ZFHX2: variants seen among roughly 807,000 people sequenced by gnomAD.
ZFHX2 encodes zinc finger homeobox protein 2.
Under a neutral mutation model 164.8 loss-of-function variants are expected in ZFHX2, and 75 were observed. The observed-to-expected ratio is 0.46, with a 90% CI of 0.38 to 0.55. ZFHX2 has a LOEUF of 0.55. ZFHX2 is among the 20% of genes least tolerant of loss of function. The pLI is 0.00. For missense variants in ZFHX2, 2,933 were observed against 3,308.0 expected (o/e 0.89, Z 2.78); for synonymous variants, 1,217 against 1,351.4 (o/e 0.90, Z 2.18).
At chr14:23,527,861 C>A in intron 6 of ZFHX2, 57 bp from the exon 7 acceptor site, 23 of 1,180,636 alleles carry the variant, frequency 1.9e-5, no homozygotes, top group East Asian at 2.8e-5. Flanking sequence ...GACCCACCAT[C>A]ACATAGTCCT....
Position 23,525,663 on chromosome 14 carries a change from G to T in ZFHX2, c.4279C>A (p.Pro1427Thr), listed in dbSNP as rs1160667213. The T allele has an allele frequency of 2.6e-6, 4 of 1,535,376 alleles. No individual in the cohort carries two copies. The highest frequency in any genetic ancestry group is 1.7e-6 in the Non-Finnish European group (2 of 1,146,538). ...KEGNEAGPSS[P>T]PDPLPNEAAR... ...GCCTCGTTGGGCAATGGGTCGGGGG[G>T]TGAGGAAGGCCCTGCCTCATTACCC... Residue 1427 changes from proline (P) to threonine (T), a missense_variant, in exon 9 of 10, where the codon CCC becomes ACC. By Grantham distance (38) the Pro-to-Thr change is conservative. Coordinates refer to ENST00000419474, the MANE Select transcript of ZFHX2 (RefSeq NM_033400.3). This position sits in a 1 kb window ranked among gnomAD's most constrained non-coding sequence, Gnocchi z 5.9.
At chr14:23,542,370 A>G (rs1207381337) in intron 1 of ZFHX2, 2 of 152,082 alleles carry the variant, frequency 1.3e-5, no homozygotes, top group Non-Finnish European at 2.9e-5. Flanking sequence ...GAAACCACAC[A>G]CGTTCACATT....
intron 4 of ZFHX2, 138 bp downstream of exon 4, chr14:23,531,343 C>T (rs1879525515): frequency 8.0e-7 from 1 of 1,243,206 alleles, no homozygotes; most frequent in South Asian, 2.7e-5. Flanking sequence ...TATCCCTTCG[C>T]AGCTTCTTCC....
chr14:23,534,045 T>G lies in ZFHX2; in HGVS notation c.1281A>C (p.Pro427=). ...QPYRLADDYT[P]APAAFQGLSL... is the part of the protein sequence containing the mutation. The stretch of plus-strand genomic sequence containing the variant: ...TGAGGCCCTGGAAGGCTGCAGGGGC[T>G]GGGGTGTAGTCATCAGCTAGGCGAT... The change falls in exon 2 of 10, where the codon CCA becomes CCC. Residue 427 remains proline (P), a synonymous_variant. Transcript: ENST00000419474. The surrounding 1 kb of genome is among the most constrained non-coding windows in gnomAD (Gnocchi z 4.5). 1 of 1,533,534 alleles carries G rather than the reference T, an allele frequency of 6.5e-7. No individual in the cohort carries two copies. Among genetic ancestry groups the G allele is most frequent in the Non-Finnish European group, 8.7e-7 (1 of 1,144,928 alleles). 95.0% of individuals were successfully genotyped at this position (1,533,534 alleles called of 1,614,324 possible).
chr14:23,542,236 C>G (rs886839320), intron 1 of ZFHX2: 1 of 152,482 alleles, frequency 6.6e-6, no homozygotes, highest in African/African-American at 2.4e-5. Flanking sequence ...CTGTCTCTTG[C>G]ACTTTGCAAG....
At chr14:23,532,294 G>A (rs1356727749) in intron 3 of ZFHX2, 2 of 357,598 alleles carry the variant, frequency 5.6e-6, no homozygotes, top group Non-Finnish European at 9.9e-6. Context: ...CTGGTGACAT[G>A]ACAAACTGAG....
rs762893820 is a variant in ZFHX2 at position 23,522,818 on chromosome 14, G to A, written c.6863C>T (p.Thr2288Ile). The change falls in exon 10 of 10, where the codon ACC becomes ATC. Residue 2288 changes from threonine to isoleucine, a missense_variant. Thr to Ile is a moderately conservative substitution (Grantham distance 89). Transcript: ENST00000419474. Reference sequence around the variant, plus strand: ...AGGGTCAGTGGTGCCTGCTGTGGAGGTGTTGGTTTGGTCGGGCATGGGTCT... The same window carrying A: ...AGGGTCAGTGGTGCCTGCTGTGGAGATGTTGGTTTGGTCGGGCATGGGTCT... ...PQRPMPDQTN[T>I]STAGTTDPVP... is the part of the protein sequence containing the mutation. 3 of 1,535,786 alleles carry A rather than the reference G, an allele frequency of 2.0e-6. No individual in the cohort carries two copies. Among genetic ancestry groups the A allele is most frequent in the Middle Eastern group, 1.7e-4 (1 of 5,980 alleles).
rs1313654927 is a variant in ZFHX2, at chr14:23,532,571, T to C, written c.2555A>G (p.Tyr852Cys). Residue 852 changes from tyrosine to cysteine, a missense_variant, in exon 3 of 10, where the codon TAT (tyrosine) becomes TGT (cysteine). Transcript: ENST00000419474. ...CCCTTCCTGACCCAGCCTCACCTTA[T>C]AGATTTGGCTGTTTTCTTCGTGGGC... ...GAAHEENSQI[Y>C]KFLLDMEGAE... is the part of the protein sequence containing the mutation. 3.5e-6 allele frequency: 5 copies of C among 1,440,508 alleles called. No individual in the cohort carries two copies. In the South Asian group the frequency reaches 5.9e-5, roughly 17 times the overall value. The allele number at this position is 1,440,508 out of a possible 1,614,324, so 89.2% of individuals were successfully genotyped here.
chr14:23,533,915 G>A lies in ZFHX2; in HGVS notation c.1411C>T (p.His471Tyr). 1 of 1,538,086 alleles carries A rather than the reference G, an allele frequency of 6.5e-7. No individual in the cohort carries two copies. The highest frequency in any genetic ancestry group is 8.7e-7 in the Non-Finnish European group (1 of 1,147,154). ...HYKYQQTLDV[H>Y]MREKHPESNS... ...CTCTCAGGGTGCTTCTCTCGCATGT[G>A]CACATCCAGGGTCTGCTGGTACTTG... is the stretch of plus-strand genomic sequence containing the variant. Residue 471 changes from histidine (H) to tyrosine (Y), a missense_variant, in exon 2 of 10, where the codon CAC becomes TAC. Transcript: ENST00000419474. This position sits in a 1 kb window ranked among gnomAD's most constrained non-coding sequence, Gnocchi z 4.8.
chr14:23,535,044 C>T lies in ZFHX2; in HGVS notation c.282G>A (p.Lys94=). 1 of 1,536,226 alleles carries T rather than the reference C, an allele frequency of 6.5e-7. No homozygotes were observed. Among genetic ancestry groups the T allele is most frequent in the South Asian group, 1.2e-5 (1 of 84,062 alleles). ...HFPPNDPGVE[K]DKEQEEEEEG... ...CTTCTTCCTCCTCCTGCTCCTTGTC[C>T]TTTTCCACCCCTGGGTCATTTGGTG... Residue 94 remains lysine, a synonymous_variant, in exon 2 of 10, where the codon AAG becomes AAA. Transcript: ENST00000419474. This position sits in a 1 kb window ranked among gnomAD's most constrained non-coding sequence, Gnocchi z 4.5.
In ZFHX2 at chr14:23,521,038, G is replaced by C. The variant is rs1215363410; in HGVS notation, c.*924C>G. 1.3e-5 allele frequency: 2 copies of C among 152,106 alleles called. No homozygotes were observed. Among genetic ancestry groups the C allele is most frequent in the African/African-American group, 4.8e-5 (2 of 41,414 alleles). The allele number at this position is 152,106 out of a possible 1,614,324, so 9.4% of individuals were successfully genotyped here. A position where few individuals can be genotyped will look rare whatever the true frequency, so the allele number is the denominator to read the frequency against. On this transcript the variant is annotated 3_prime_UTR_variant, in exon 10 of 10. Transcript: ENST00000419474. ...TGAAAGAACTTTGGATTTGCCGTTG[G>C]TGGGCAGTGCCTGTCCCTGGAGGCT...
In ZFHX2 at chr14:23,525,321, G is replaced by C. The variant is rs1164608664; in HGVS notation, c.4621C>G (p.Leu1541Val). Reference sequence around the variant, plus strand: ...CCCAGATGGGGAACAGGTGAATCCAGAGACCCATCAGGAGGTTTGGGAGGC... The same window carrying C: ...CCCAGATGGGGAACAGGTGAATCCACAGACCCATCAGGAGGTTTGGGAGGC... ...AEPPKPPDGS[L>V]DSPVPHLGPP... The change falls in exon 9 of 10, where the codon CTG becomes GTG. Residue 1541 changes from leucine (L) to valine (V), a missense_variant. Leu to Val is a conservative substitution (Grantham distance 32). Coordinates refer to ENST00000419474, the MANE Select transcript of ZFHX2 (RefSeq NM_033400.3). This position sits in a 1 kb window ranked among gnomAD's most constrained non-coding sequence, Gnocchi z 5.9. 2.6e-6 allele frequency: 4 copies of C among 1,535,992 alleles called. No homozygotes were observed. Among genetic ancestry groups the C allele is most frequent in the Non-Finnish European group, 2.6e-6 (3 of 1,146,914 alleles).
Position 23,522,635 on chromosome 14 carries a change from G to A in ZFHX2, c.7046C>T (p.Pro2349Leu). 6.5e-7 allele frequency: 1 copy of A among 1,535,444 alleles called. No homozygotes were observed. ...ALLGGQFLPF[P>L]LPPAGGTAPP... ...TGCTGTTCCCCCAGCAGGGGGCAAT[G>A]GAAAGGGCAGGAACTGGCCCCCCAA... The change falls in exon 10 of 10, where the codon CCA (proline) becomes CTA (leucine). Residue 2349 changes from proline to leucine, a missense_variant. By Grantham distance (98) the Pro-to-Leu change is moderately conservative. Transcript: ENST00000419474.
chr14:23,538,443 A>C, intron 1 of ZFHX2, among the ~76,000 whole-genome samples: 1 of 149,958 alleles, frequency 6.7e-6, no homozygotes, highest in African/African-American at 2.5e-5. Context: ...TCACTCCTCC[A>C]TCTTTCCTTC....
chr14:23,533,850 G>A lies in ZFHX2; in HGVS notation c.1476C>T (p.His492=), dbSNP rs759317895. The part of the protein sequence containing the change: ...HCSYCSAGGA[H]PRLARGESYN... ...AGCTCTCTCCACGAGCAAGGCGGGG[G>A]TGGGCGCCCCCAGCACTGCAGTAGC... The change falls in exon 2 of 10, where the codon CAC becomes CAT. Residue 492 remains histidine (H), a synonymous_variant. Transcript: ENST00000419474. The surrounding 1 kb of genome is among the most constrained non-coding windows in gnomAD (Gnocchi z 4.8). 1 of 1,539,312 alleles carries A rather than the reference G, an allele frequency of 6.5e-7. No homozygotes were observed.
intron 6 of ZFHX2, among the ~76,000 whole-genome samples, chr14:23,528,041 G>A (rs1228468725): frequency 6.6e-6 from 1 of 151,994 alleles, no homozygotes; most frequent in Non-Finnish European, 1.5e-5. Flanking sequence ...CCAAGCAGCT[G>A]GGATTACAGG....
At chr14:23,547,986 C>G (rs1881563055) in intron 1 of ZFHX2, among the ~76,000 whole-genome samples, 1 of 152,186 alleles carries the variant, frequency 6.6e-6, no homozygotes, top group Non-Finnish European at 1.5e-5. Flanking sequence ...CAGCCAAATT[C>G]CACTGTGCCC....
At chr14:23,531,419 T>G (rs1182893660) in intron 4 of ZFHX2, 62 bp downstream of exon 4, 2 of 1,346,924 alleles carry the variant, frequency 1.5e-6, no homozygotes, top group Non-Finnish European at 1.9e-6. Context: ...GCAGCCCCCC[T>G]GCTCCCCACA....
chr14:23,524,944 A>T lies in ZFHX2; in HGVS notation c.4998T>A (p.Thr1666=). 2 of 1,536,224 alleles carry T rather than the reference A, an allele frequency of 1.3e-6. No homozygotes were observed. The highest frequency in any genetic ancestry group is 4.9e-5 in the East Asian group (2 of 40,896). Residue 1666 remains threonine, a synonymous_variant, in exon 9 of 10, where the codon ACT becomes ACA. Coordinates refer to ENST00000419474, the MANE Select transcript of ZFHX2 (RefSeq NM_033400.3). This position sits in a 1 kb window ranked among gnomAD's most constrained non-coding sequence, Gnocchi z 5.6. ...EGGSMPTGGG[T]GGASGCRRCH... The stretch of plus-strand genomic sequence containing the variant: ...AACGCCTGCAGCCGGAGGCTCCCCC[A>T]GTGCCTCCTCCGGTTGGCATGGACC...
Sources: allele counts gnomAD v4.1 joint callset (sites outside exome capture counted in the v4.1 genomes callset), GRCh38; gene constraint gnomAD v4.1.1; non-coding constraint Gnocchi (gnomAD v3.1); transcripts MANE v1.5; gene names NCBI Gene and HGNC (gene_info 2026-07-23, HGNC 2026-07-21).